KIRREL3: variants seen among roughly 807,000 people sequenced by gnomAD.
KIRREL3 encodes the protein kirre like nephrin family adhesion molecule 3, also known as kin of IRRE-like protein 3.
Under a neutral mutation model 89.7 loss-of-function variants are expected in KIRREL3, and 36 were observed. The ratio of observed to expected loss-of-function variants is 0.40; its 90% confidence interval spans 0.31 to 0.53. The LOEUF is 0.53. Among genes scored for constraint, KIRREL3 ranks in the 20% least tolerant of loss-of-function variants. The pLI, the probability that KIRREL3 is intolerant of heterozygous loss-of-function variation, is 0.49. For missense variants in KIRREL3, 864 were observed against 1,056.6 expected, an observed-to-expected ratio of 0.82 and a Z score of 2.53; for synonymous variants, 445 against 441.4, an observed-to-expected ratio of 1.01 and a Z score of -0.10.
At chr11:126,920,805 C>T (rs1305372811) in intron 1 of KIRREL3, among the ~76,000 whole-genome samples, 1 of 152,206 alleles carries the variant, frequency 6.6e-6, no homozygotes, top group East Asian at 1.9e-4. Flanking sequence ...TCCTAGAAAA[C>T]CCCGCGCCTA....
Position 126,441,369 on chromosome 11 carries a change from C to A in KIRREL3, c.1253-820G>T, listed in dbSNP as rs111912623. On this transcript the variant is annotated intron_variant, in intron 10 of 16. Coordinates refer to ENST00000525144, the MANE Select transcript of KIRREL3 (RefSeq NM_032531.4). The surrounding 1 kb of genome is among the most constrained non-coding windows in gnomAD (Gnocchi z 5.0). ...CACCTGGTGGAGGGGAGCCTGTTCCCCAGCGCCTCCTGTCCAGTTCCGCCT... is the reference window on the plus strand; with the variant it reads ...CACCTGGTGGAGGGGAGCCTGTTCCACAGCGCCTCCTGTCCAGTTCCGCCT... Among the ~76,000 whole-genome samples, 3,110 of 152,322 alleles carry A rather than the reference C, an allele frequency of 0.02. 124 individuals are homozygous for A. Among genetic ancestry groups the A allele is most frequent in the African/African-American group, 0.071 (2,948 of 41,566 alleles).
chr11:126,954,025 G>A lies in KIRREL3; in HGVS notation c.55+46430C>T, dbSNP rs559206400. Among the ~76,000 whole-genome samples, 1 of 152,126 alleles carries A rather than the reference G, an allele frequency of 6.6e-6. No individual in the cohort carries two copies. The highest frequency in any genetic ancestry group is 1.5e-5 in the Non-Finnish European group (1 of 68,012). On this transcript the variant is annotated intron_variant, in intron 1 of 16. Transcript: ENST00000525144. The surrounding 1 kb of genome is among the most constrained non-coding windows in gnomAD (Gnocchi z 4.1). ...GTGTGAGCCTGTGTGTGTGTGCACA[G>A]GGGTGTGTGTGCACATGCGTGTGCA...
Position 126,432,597 on chromosome 11 carries a change from G to T in KIRREL3, c.1589-1071C>A, listed in dbSNP as rs1306482724. Among the ~76,000 whole-genome samples the T allele has an allele frequency of 6.9e-6, 1 of 143,978 alleles. No homozygotes were observed. The highest frequency in any genetic ancestry group is 2.2e-4 in the East Asian group (1 of 4,474). 94.5% of individuals were successfully genotyped at this position (143,978 alleles called of 152,430 possible). On this transcript the variant is annotated intron_variant, in intron 13 of 16. Coordinates refer to ENST00000525144, the MANE Select transcript of KIRREL3 (RefSeq NM_032531.4). This position sits in a 1 kb window ranked among gnomAD's most constrained non-coding sequence, Gnocchi z 6.2. ...CCTCCACTCACCCCACTCCCACCCCGTCCAGCTCCACCCACAGAGTGACAT... is the reference window on the plus strand; with the variant it reads ...CCTCCACTCACCCCACTCCCACCCCTTCCAGCTCCACCCACAGAGTGACAT...
chr11:126,949,701 ATC>A (rs1445181361), intron 1 of KIRREL3, among the ~76,000 whole-genome samples: 1 of 152,222 alleles, frequency 6.6e-6, no homozygotes, highest in Non-Finnish European at 1.5e-5. Flanking sequence ...AGCCTGCTGT[ATC>A]TAGGACACGT....
At chr11:126,884,906 T>C (rs1005115669) in intron 1 of KIRREL3, among the ~76,000 whole-genome samples, 4 of 152,064 alleles carry the variant, frequency 2.6e-5, no homozygotes, top group Admixed American at 6.5e-5. Context: ...AATTAGACAG[T>C]CAACACATGA....
At chr11:126,442,556 T>G (rs1015199840) in intron 10 of KIRREL3, among the ~76,000 whole-genome samples, 1 of 152,204 alleles carries the variant, frequency 6.6e-6, no homozygotes, top group Non-Finnish European at 1.5e-5. Context: ...TGTGCCAATT[T>G]CTTTCCCAAA....
intron 1 of KIRREL3, among the ~76,000 whole-genome samples, chr11:126,932,355 G>A (rs887831325): frequency 3.3e-5 from 5 of 152,102 alleles, no homozygotes; most frequent in Non-Finnish European, 7.4e-5. Context: ...GGAGGTTTTC[G>A]GCCCGCACAG....
chr11:126,815,679 A>G (rs986218066), intron 1 of KIRREL3, among the ~76,000 whole-genome samples: 75 of 152,098 alleles, frequency 4.9e-4, no homozygotes, highest in East Asian at 4.6e-3. Context: ...GACTACAGGC[A>G]GCCGCCACCA....
Position 126,682,225 on chromosome 11 carries a change from A to G in KIRREL3, c.56-119313T>C, listed in dbSNP as rs905447090. On this transcript the variant is annotated intron_variant, in intron 1 of 16. Transcript: ENST00000525144. This position sits in a 1 kb window ranked among gnomAD's most constrained non-coding sequence, Gnocchi z 4.8. The stretch of plus-strand genomic sequence containing the variant: ...GTGGGCTCTGCAAGACTCAAAATCA[A>G]TTGCTGAAACACTTCTTAAATGTGT... 2.3e-5 allele frequency: 5 copies of G among 216,308 alleles called. No homozygotes were observed. The Admixed American group carries it at 2.6e-4, about 11-fold the overall frequency. 13.4% of individuals were successfully genotyped at this position (216,308 alleles called of 1,614,324 possible).
intron 1 of KIRREL3, among the ~76,000 whole-genome samples, chr11:126,680,605 T>C (rs1291200289): frequency 6.6e-6 from 1 of 152,054 alleles, no homozygotes; most frequent in Admixed American, 6.5e-5. Flanking sequence ...GGTTTAAACA[T>C]CCCATGAAGA....
chr11:126,923,190 T>TTCTTCTTCTCC lies in KIRREL3; in HGVS notation c.55+77264_55+77265insGGAGAAGAAGA, dbSNP rs1565423172. ...TTCTTCTTCTTCTCTTCTTCTTCTC[T>TTCTTCTTCTCC]TCTTCTTCTTCTTCTTCTTCTTCTT... On this transcript the variant is annotated intron_variant, in intron 1 of 16. Transcript: ENST00000525144. Among the ~76,000 whole-genome samples, 53 of 10,352 alleles carry TTCTTCTTCTCC rather than the reference T, an allele frequency of 5.1e-3. 15 individuals are homozygous for TTCTTCTTCTCC. Among genetic ancestry groups the TTCTTCTTCTCC allele is most frequent in the Non-Finnish European group, 1.8e-3 (12 of 6,622 alleles). The allele number at this position is 10,352 out of a possible 152,430, so 6.8% of individuals were successfully genotyped here.
chr11:126,901,095 C>A (rs1482895843), intron 1 of KIRREL3, among the ~76,000 whole-genome samples: 1 of 151,880 alleles, frequency 6.6e-6, no homozygotes, highest in Admixed American at 6.6e-5. Context: ...ACACCTGTAA[C>A]CCCAGCTACT....
In KIRREL3 at chr11:126,742,071, T is replaced by C. The variant is rs1949005248; in HGVS notation, c.56-179159A>G. ...TATTTAGAACACATGTGAAACTCTA[T>C]TTACACCAAGCTTTAAATTGAACTT... On this transcript the variant is annotated intron_variant, in intron 1 of 16. Transcript: ENST00000525144. This position sits in a 1 kb window ranked among gnomAD's most constrained non-coding sequence, Gnocchi z 5.3. Among the ~76,000 whole-genome samples the C allele has an allele frequency of 2.0e-5, 3 of 152,216 alleles. No homozygotes were observed. The highest frequency in any genetic ancestry group is 2.9e-5 in the Non-Finnish European group (2 of 68,038).
rs1591515015 is a variant in KIRREL3 at position 126,427,348 on chromosome 11, G to T, written c.1807-1624C>A. 6.6e-6 allele frequency among the ~76,000 whole-genome samples: 1 copy of T among 152,118 alleles called. No individual in the cohort carries two copies. Among genetic ancestry groups the T allele is most frequent in the South Asian group, 2.1e-4 (1 of 4,810 alleles). ...CCCTTGAGGAGCTCTGGGATAACTGGGGAAGCTGACATGGAATTGGGGGAA... is the reference window on the plus strand; with the variant it reads ...CCCTTGAGGAGCTCTGGGATAACTGTGGAAGCTGACATGGAATTGGGGGAA... On this transcript the variant is annotated intron_variant, in intron 15 of 16. Transcript: ENST00000525144. The surrounding 1 kb of genome is among the most constrained non-coding windows in gnomAD (Gnocchi z 5.3).
Position 126,981,115 on chromosome 11 carries a change from G to T in KIRREL3, c.55+19340C>A, listed in dbSNP as rs1373317182. On this transcript the variant is annotated intron_variant, in intron 1 of 16. Transcript: ENST00000525144. The surrounding 1 kb of genome is among the most constrained non-coding windows in gnomAD (Gnocchi z 4.2). ...TGATTGGCCTGAAAGCCTTGATGCT[G>T]AGTTCTAGATATTTGAAGCCTAATA... is the stretch of plus-strand genomic sequence containing the variant. Among the ~76,000 whole-genome samples the T allele has an allele frequency of 1.3e-5, 2 of 152,218 alleles. No homozygotes were observed. The highest frequency in any genetic ancestry group is 4.8e-5 in the African/African-American group (2 of 41,452).
In KIRREL3 at chr11:126,563,729, T is replaced by C. The variant is rs1940303598; in HGVS notation, c.56-817A>G. Among the ~76,000 whole-genome samples the C allele has an allele frequency of 6.6e-6, 1 of 152,190 alleles. No individual in the cohort carries two copies. Among genetic ancestry groups the C allele is most frequent in the Non-Finnish European group, 1.5e-5 (1 of 68,022 alleles). ...CAGTATTTTGTAAATCAGTGTCCATTGTGTGTGTGAGCATTAAATTGGAGT... is the reference window on the plus strand; with the variant it reads ...CAGTATTTTGTAAATCAGTGTCCATCGTGTGTGTGAGCATTAAATTGGAGT... On this transcript the variant is annotated intron_variant, in intron 1 of 16. Transcript: ENST00000525144. The surrounding 1 kb of genome is among the most constrained non-coding windows in gnomAD (Gnocchi z 6.8).
Position 126,519,482 on chromosome 11 carries a change from G to A in KIRREL3, c.433+1833C>T, listed in dbSNP as rs1210927337. On this transcript the variant is annotated intron_variant, in intron 4 of 16. Coordinates refer to ENST00000525144, the MANE Select transcript of KIRREL3 (RefSeq NM_032531.4). This position sits in a 1 kb window ranked among gnomAD's most constrained non-coding sequence, Gnocchi z 4.3. ...AATACGTTGGACTTTTTTACGTAAC[G>A]TAGAGTTGAGAGGAAAGGAAGTGTA... 6.6e-6 allele frequency among the ~76,000 whole-genome samples: 1 copy of A among 152,204 alleles called. No individual in the cohort carries two copies. Among genetic ancestry groups the A allele is most frequent in the African/African-American group, 2.4e-5 (1 of 41,450 alleles).
chr11:126,892,800 G>T lies in KIRREL3; in HGVS notation c.55+107655C>A, dbSNP rs1000480028. On this transcript the variant is annotated intron_variant, in intron 1 of 16. Coordinates refer to ENST00000525144, the MANE Select transcript of KIRREL3 (RefSeq NM_032531.4). The surrounding 1 kb of genome is among the most constrained non-coding windows in gnomAD (Gnocchi z 5.4). ...GGTCTGGCTTCATTGACATTTCCAC[G>T]GTAGTGCATACAGCCCTCGAGACCT... Among the ~76,000 whole-genome samples, 1 of 152,124 alleles carries T rather than the reference G, an allele frequency of 6.6e-6. No homozygotes were observed. The highest frequency in any genetic ancestry group is 1.5e-5 in the Non-Finnish European group (1 of 68,024).
chr11:126,423,556 A>T lies in KIRREL3; in HGVS notation c.*1024T>A, dbSNP rs2697. 0.11 allele frequency: 16,226 copies of T among 151,678 alleles called. 1,011 individuals carry two copies. The highest frequency in any genetic ancestry group is 0.17 in the African/African-American group (7,122 of 41,278). The allele number at this position is 151,678 out of a possible 1,614,324, so 9.4% of individuals were successfully genotyped here. A position where few individuals can be genotyped will look rare whatever the true frequency, so the allele number is the denominator to read the frequency against. The stretch of plus-strand genomic sequence containing the variant: ...ACTAGGAGGGTTGAGGTGTAGATAT[A>T]CTTCCTCTCTTCTCGTGGAGCCTTA... On this transcript the variant is annotated 3_prime_UTR_variant, in exon 17 of 17. Transcript: ENST00000525144.
Sources: gnomAD v4.1 joint callset for allele counts (sites outside exome capture counted in the v4.1 genomes callset) on GRCh38, gnomAD v4.1.1 for gene constraint, Gnocchi (gnomAD v3.1) non-coding constraint, MANE v1.5 for transcripts, NCBI Gene and HGNC (gene_info 2026-07-23, HGNC 2026-07-21) for gene names.